SCN2A: variants seen among roughly 807,000 people sequenced by gnomAD.
SCN2A encodes sodium voltage-gated channel alpha subunit 2, also known as sodium channel protein type 2 subunit alpha.
In SCN2A, 20 loss-of-function variants were observed where a neutral mutation model predicts 188.7. That is an observed-to-expected ratio of 0.11 (90% CI 0.07 to 0.15). The LOEUF (loss-of-function observed/expected upper bound fraction) is 0.15, where lower values mean the gene tolerates loss of function less well. Ranked by LOEUF, SCN2A falls within the 10% of genes least tolerant of loss-of-function variation. The pLI, the probability that SCN2A is intolerant of heterozygous loss-of-function variation, is 1.00. For missense variants in SCN2A, 1,278 were observed against 2,445.0 expected, an observed-to-expected ratio of 0.52 and a Z score of 10.07; for synonymous variants, 804 against 833.1, an observed-to-expected ratio of 0.97 and a Z score of 0.60.
Position 165,343,481 on chromosome 2 carries a change from G to A in SCN2A, c.2562+1012G>A, listed in dbSNP as rs142426217. Among the ~76,000 whole-genome samples, 798 of 152,278 alleles carry A rather than the reference G, an allele frequency of 5.2e-3. 4 individuals carry two copies. Among genetic ancestry groups the A allele is most frequent in the Middle Eastern group, 0.017 (5 of 294 alleles). On this transcript the variant is annotated intron_variant, in intron 15 of 26. Transcript: ENST00000375437. ...TAAACCTTCATGATAGTGTGATGCAGTTAAGGGAAATAGGAAGCATAGTAT... is the reference window on the plus strand; with the variant it reads ...TAAACCTTCATGATAGTGTGATGCAATTAAGGGAAATAGGAAGCATAGTAT...
intron 1 of SCN2A, chr2:165,293,935 A>G (rs1280079281): frequency 2.0e-6 from 2 of 976,732 alleles, no homozygotes; most frequent in Non-Finnish European, 2.4e-6. Flanking sequence ...TAGTCCCTGT[A>G]CAGGAAATGC....
chr2:165,342,551 C>T, intron 15 of SCN2A, 82 bp downstream of exon 15: 1 of 1,404,946 alleles, frequency 7.1e-7, no homozygotes, highest in Non-Finnish European at 1.0e-6. Flanking sequence ...GGCAAGATTT[C>T]CCATCATTAT....
At chr2:165,314,757 C>T (rs1697640651) in intron 10 of SCN2A, among the ~76,000 whole-genome samples, 1 of 152,148 alleles carries the variant, frequency 6.6e-6, no homozygotes, top group African/African-American at 2.4e-5. Context: ...ATTTGCTTGA[C>T]TTAATGGCAT....
intron 1 of SCN2A, among the ~76,000 whole-genome samples, chr2:165,283,278 C>G (rs907412355): frequency 6.6e-6 from 1 of 152,138 alleles, no homozygotes; most frequent in South Asian, 2.1e-4. Context: ...ACCTACAGCC[C>G]AGGAGACCTT....
At chr2:165,364,492 C>T (rs1161204057) in intron 17 of SCN2A, among the ~76,000 whole-genome samples, 1 of 152,122 alleles carries the variant, frequency 6.6e-6, no homozygotes, top group African/African-American at 2.4e-5. Flanking sequence ...GGTAAGAGTG[C>T]CAGAGTAACA....
At chr2:165,277,856 A>G (rs568489561) in intron 1 of SCN2A, among the ~76,000 whole-genome samples, 1 of 152,312 alleles carries the variant, frequency 6.6e-6, no homozygotes, top group South Asian at 2.1e-4. Context: ...TTCTATTTGA[A>G]ATCTTCTGTT....
chr2:165,374,473 G>T (rs1279743348), intron 21 of SCN2A, among the ~76,000 whole-genome samples: 1 of 152,020 alleles, frequency 6.6e-6, no homozygotes, highest in Non-Finnish European at 1.5e-5. Context: ...TACCTCTTGA[G>T]AAAACATTCT....
chr2:165,294,039 G>C (rs886054990), intron 1 of SCN2A: 28 of 275,186 alleles, frequency 1.0e-4, no homozygotes, highest in Middle Eastern at 1.7e-3. Flanking sequence ...AAAAAAAAAA[G>C]ATTTTTTTTT....
At chr2:165,335,055 AGT>A (rs1419229263) in intron 14 of SCN2A, among the ~76,000 whole-genome samples, 13 of 151,772 alleles carry the variant, frequency 8.6e-5, no homozygotes, top group Non-Finnish European at 1.8e-4. Flanking sequence ...TAATAAAATA[AGT>A]GTGAGATTTG....
At chr2:165,307,285 A>G (rs1697188717) in intron 3 of SCN2A, among the ~76,000 whole-genome samples, 1 of 152,150 alleles carries the variant, frequency 6.6e-6, no homozygotes, top group African/African-American at 2.4e-5. Flanking sequence ...GGAACTTAAT[A>G]AGTAATTTTG....
chr2:165,253,716 C>T (rs530166661), intron 1 of SCN2A, among the ~76,000 whole-genome samples: 17 of 152,034 alleles, frequency 1.1e-4, no homozygotes, highest in African/African-American at 3.9e-4. Flanking sequence ...CTACAATGAT[C>T]AAGTATAGAT....
At chr2:165,337,054 T>C (rs1034413889) in intron 14 of SCN2A, among the ~76,000 whole-genome samples, 5 of 151,822 alleles carry the variant, frequency 3.3e-5, no homozygotes, top group Non-Finnish European at 5.9e-5. Flanking sequence ...TGTAAATATG[T>C]TGAGCAATTT....
chr2:165,313,946 G>C lies in SCN2A; in HGVS notation c.1221G>C (p.Leu407=), dbSNP rs1697582495. The C allele has an allele frequency of 1.9e-6, 3 of 1,613,802 alleles. No individual in the cohort carries two copies. The highest frequency in any genetic ancestry group is 2.5e-6 in the Non-Finnish European group (3 of 1,179,794). The change falls in exon 10 of 27, where the codon CTG becomes CTC. Residue 407 remains leucine, a synonymous_variant. Coordinates refer to ENST00000375437, the MANE Select transcript of SCN2A (RefSeq NM_001040142.2). ...AAACGTACATGATATTTTTTGTGCT[G>C]GTCATTTTCTTGGGCTCATTCTATC... ...AGKTYMIFFV[L]VIFLGSFYLI...
intron 14 of SCN2A, among the ~76,000 whole-genome samples, chr2:165,335,892 T>A (rs549906135): frequency 1.3e-5 from 2 of 151,896 alleles, no homozygotes; most frequent in East Asian, 3.9e-4. Context: ...TTATTATAAC[T>A]CCACAACAAA....
rs1697692237 is a variant in SCN2A at position 165,315,509 on chromosome 2, C to A, written c.1422C>A (p.Phe474Leu). 6.2e-7 allele frequency: 1 copy of A among 1,613,816 alleles called. No homozygotes were observed. The highest frequency in any genetic ancestry group is 8.5e-7 in the Non-Finnish European group (1 of 1,179,894). Residue 474 changes from phenylalanine to leucine, a missense_variant, in exon 11 of 27, where the codon TTC becomes TTA. Phe to Leu is a conservative substitution (Grantham distance 22). Transcript: ENST00000375437. ...CCGCATCTGCTGAATCAAGAGACTT[C>A]AGTGGTGCTGGTGGGATAGGAGTTT... Reference protein sequence around the residue: ...AAAASAESRDFSGAGGIGVFS... With the variant: ...AAAASAESRDLSGAGGIGVFS...
chr2:165,380,586 C>A lies in SCN2A; in HGVS notation c.4309-6C>A. On this transcript the variant is annotated splice_region_variant and splice_polypyrimidine_tract_variant and intron_variant, in intron 23 of 26. Transcript: ENST00000375437. The stretch of plus-strand genomic sequence containing the variant: ...TATAATGGTTACAATTCTTCATATT[C>A]TTTAGGTAGAATTACAACCCAAGTA... The A allele has an allele frequency of 6.4e-7, 1 of 1,562,730 alleles. No individual in the cohort carries two copies. Among genetic ancestry groups the A allele is most frequent in the Non-Finnish European group, 8.8e-7 (1 of 1,134,814 alleles).
chr2:165,303,020 A>G (rs755830789), intron 3 of SCN2A, among the ~76,000 whole-genome samples: 5 of 152,156 alleles, frequency 3.3e-5, no homozygotes, highest in Non-Finnish European at 5.9e-5. Flanking sequence ...ATCTGCCTCT[A>G]TTTTATTTTA....
At chr2:165,360,221 A>G (rs1289704644) in intron 17 of SCN2A, among the ~76,000 whole-genome samples, 1 of 151,960 alleles carries the variant, frequency 6.6e-6, no homozygotes, top group Non-Finnish European at 1.5e-5. Context: ...AAAATTTAAT[A>G]GGAAGTTATG....
At chr2:165,273,909 T>A (rs1427293056) in intron 1 of SCN2A, 1 of 152,118 alleles carries the variant, frequency 6.6e-6, no homozygotes, top group East Asian at 1.9e-4. Flanking sequence ...TTTGCCCTTT[T>A]ATCTTCTCCA....
Sources: gnomAD v4.1 joint callset for allele counts (sites outside exome capture counted in the v4.1 genomes callset) on GRCh38, gnomAD v4.1.1 for gene constraint, MANE v1.5 for transcripts, NCBI Gene and HGNC (gene_info 2026-07-23, HGNC 2026-07-21) for gene names.